Variants in CDC42BPB observed in about 807,000 individuals in gnomAD.
CDC42BPB encodes the protein CDC42 binding protein kinase beta, also known as serine/threonine-protein kinase MRCK beta.
A neutral mutation model predicts 214.9 loss-of-function variants in CDC42BPB; 37 were observed. That is an observed-to-expected ratio of 0.17 (90% CI 0.13 to 0.23). CDC42BPB has a LOEUF of 0.23. CDC42BPB is among the 10% of genes least tolerant of loss of function. The probability of loss-of-function intolerance (pLI) is 1.00; values close to 1 mark genes in which losing one functional copy is unlikely to be tolerated. For synonymous variants in CDC42BPB, 931 were observed against 884.0 expected, an observed-to-expected ratio of 1.05 and a Z score of -0.94; for missense variants, 1,694 against 2,227.0, an observed-to-expected ratio of 0.76 and a Z score of 4.82.
chr14:102,949,988 C>A (rs979515714), intron 25 of CDC42BPB, 84 bp from the exon 26 acceptor site: 3 of 1,573,896 alleles, frequency 1.9e-6, no homozygotes, highest in Middle Eastern at 2.0e-4. Context: ...CAATCTCCTT[C>A]CAGCTGCCAG....
intron 7 of CDC42BPB, among the ~76,000 whole-genome samples, chr14:102,983,177 AC>A (rs1308065337): frequency 6.6e-6 from 1 of 151,624 alleles, no homozygotes; most frequent in Non-Finnish European, 1.5e-5. Flanking sequence ...GCCCACCTGG[AC>A]CTCCCCACTG....
At chr14:102,961,328 AACC>A (rs1237022082) in intron 20 of CDC42BPB, among the ~76,000 whole-genome samples, 1 of 151,988 alleles carries the variant, frequency 6.6e-6, no homozygotes, top group Non-Finnish European at 1.5e-5. Flanking sequence ...AAATTTTGAA[AACC>A]ACCTTTTTTT....
chr14:102,981,046 G>C (rs774280236), intron 7 of CDC42BPB, 25 bp from the exon 8 acceptor site: 19 of 1,613,530 alleles, frequency 1.2e-5, no homozygotes, highest in Non-Finnish European at 1.6e-5. Flanking sequence ...AAAAACACCG[G>C]TGGACAGGTG....
chr14:103,044,529 C>T (rs1333008139), intron 1 of CDC42BPB, among the ~76,000 whole-genome samples: 1 of 152,100 alleles, frequency 6.6e-6, no homozygotes, highest in Non-Finnish European at 1.5e-5. Flanking sequence ...GCCACCATGC[C>T]CGGCTAACTT....
chr14:102,933,886 C>A, intron 36 of CDC42BPB, 43 bp from the exon 37 acceptor site: 1 of 1,473,230 alleles, frequency 6.8e-7, no homozygotes, highest in Admixed American at 3.3e-5. Context: ...GCTGCCCTAG[C>A]CTGGGGAGGC....
At chr14:103,055,086 G>C (rs1349426075) in intron 1 of CDC42BPB, among the ~76,000 whole-genome samples, 2 of 152,262 alleles carry the variant, frequency 1.3e-5, no homozygotes, top group South Asian at 2.1e-4. Context: ...AGTTGAACCT[G>C]ACAGTGGAAC....
intron 1 of CDC42BPB, among the ~76,000 whole-genome samples, chr14:103,028,783 T>C (rs966494287): frequency 2.6e-5 from 4 of 152,266 alleles, no homozygotes; most frequent in African/African-American, 9.6e-5. Context: ...TCTCCCTTAA[T>C]AGGGCTGTTA....
rs1889044629 is a variant in CDC42BPB, at chr14:103,057,339, C to A, written c.-166G>T. 1 of 1,028,216 alleles carries A rather than the reference C, an allele frequency of 9.7e-7. No homozygotes were observed. The highest frequency in any genetic ancestry group is 5.7e-5 in the Admixed American group (1 of 17,430). 63.7% of individuals were successfully genotyped at this position (1,028,216 alleles called of 1,614,324 possible). ...CCCCGGCCTAGGCCGACATCTTGGG[C>A]TCCGTCCCGACGGCGCAGAGTCTGG... On this transcript the variant is annotated 5_prime_UTR_variant, in exon 1 of 37. Coordinates refer to ENST00000361246, the MANE Select transcript of CDC42BPB (RefSeq NM_006035.4).
At chr14:103,000,578 T>C (rs953516576) in intron 4 of CDC42BPB, among the ~76,000 whole-genome samples, 7 of 152,258 alleles carry the variant, frequency 4.6e-5, no homozygotes, top group African/African-American at 7.2e-5. Flanking sequence ...GCACGTGGCC[T>C]GAACCTCACA....
At chr14:103,006,278 T>C (rs1025956787) in intron 3 of CDC42BPB, among the ~76,000 whole-genome samples, 53 of 152,244 alleles carry the variant, frequency 3.5e-4, no homozygotes, top group African/African-American at 1.3e-3. Flanking sequence ...GATGGAGTGC[T>C]GAGTCCCAGG....
chr14:103,039,669 A>G, intron 1 of CDC42BPB, among the ~76,000 whole-genome samples: 1 of 152,228 alleles, frequency 6.6e-6, no homozygotes, highest in Non-Finnish European at 1.5e-5. Context: ...GCCACACTTA[A>G]TGGTGAAGGC....
intron 5 of CDC42BPB, among the ~76,000 whole-genome samples, chr14:102,991,170 T>C (rs570372943): frequency 1.3e-5 from 2 of 152,302 alleles, no homozygotes; most frequent in South Asian, 2.1e-4. Flanking sequence ...GCGTGATGGG[T>C]TTATCACCAC....
Position 103,012,171 on chromosome 14 carries a change from G to A in CDC42BPB, c.193C>T (p.Leu65=). Residue 65 remains leucine, a synonymous_variant, in exon 2 of 37, where the codon CTG becomes TTG. Coordinates refer to ENST00000361246, the MANE Select transcript of CDC42BPB (RefSeq NM_006035.4). ...FLEWAKPFTQ[L]VKEMQLHRED... ...CGATGAAGCTGCATTTCTTTCACCA[G>A]CTGTGTAAATGGTTTAGCTACAAGT... 2 of 1,613,062 alleles carry A rather than the reference G, an allele frequency of 1.2e-6. No homozygotes were observed. Among genetic ancestry groups the A allele is most frequent in the Non-Finnish European group, 1.7e-6 (2 of 1,179,278 alleles).
At chr14:102,938,521 A>AT in intron 34 of CDC42BPB, 110 bp from the exon 35 acceptor site, 1 of 1,446,124 alleles carries the variant, frequency 6.9e-7, no homozygotes. Flanking sequence ...GATGAGCAAA[A>AT]TGGGGGCCAA....
In CDC42BPB at chr14:102,943,013, C is replaced by CTACA. The variant is rs1566842261; in HGVS notation, c.4408+877_4408+878insTGTA. Among the ~76,000 whole-genome samples the CTACA allele has an allele frequency of 2.0e-5, 3 of 152,286 alleles. No homozygotes were observed. In the East Asian group the frequency reaches 5.8e-4, roughly 29 times the overall value. On this transcript the variant is annotated intron_variant, in intron 30 of 36. Transcript: ENST00000361246. The surrounding 1 kb of genome is among the most constrained non-coding windows in gnomAD (Gnocchi z 4.6). Reference sequence around the variant, plus strand: ...CCTCCTGAGTAGCTGGGACTACAGGCGCCCGCCACCACGCCCGGCTAATTT... The same window carrying CTACA: ...CCTCCTGAGTAGCTGGGACTACAGGCTACAGCCCGCCACCACGCCCGGCTAATTT...
intron 36 of CDC42BPB, among the ~76,000 whole-genome samples, chr14:102,936,762 A>G (rs1220278504): frequency 6.6e-6 from 1 of 152,224 alleles, no homozygotes; most frequent in Non-Finnish European, 1.5e-5. Context: ...AGCTGGTACT[A>G]CACACGTGAA....
chr14:103,044,188 G>A (rs1484273148), intron 1 of CDC42BPB, among the ~76,000 whole-genome samples: 1 of 152,012 alleles, frequency 6.6e-6, no homozygotes, highest in Non-Finnish European at 1.5e-5. Flanking sequence ...AATACTTCGG[G>A]TTAGAAAACA....
At chr14:102,934,283 C>T (rs1304277058) in intron 36 of CDC42BPB, 1 of 156,750 alleles carries the variant, frequency 6.4e-6, no homozygotes, top group Admixed American at 6.5e-5. Context: ...GCCTGTAATC[C>T]CAGCACTTTG....
rs34255683 is a variant in CDC42BPB at position 102,975,908 on chromosome 14, C to T, written c.1362G>A (p.Lys454=). 6.2e-7 allele frequency: 1 copy of T among 1,614,062 alleles called. No individual in the cohort carries two copies. Among genetic ancestry groups the T allele is most frequent in the Admixed American group, 1.7e-5 (1 of 60,002 alleles). Residue 454 remains lysine, a synonymous_variant, in exon 10 of 37, where the codon AAG becomes AAA. Coordinates refer to ENST00000361246, the MANE Select transcript of CDC42BPB (RefSeq NM_006035.4). ...CTTGCAGCTTCCTGCTCAGCTCCAGCTTCTCCTGTTCCAGCCTCCGAATCC... is the reference window on the plus strand; with the variant it reads ...CTTGCAGCTTCCTGCTCAGCTCCAGTTTCTCCTGTTCCAGCCTCCGAATCC... ...ERRIRRLEQE[K]LELSRKLQES...
Sources: allele counts gnomAD v4.1 joint callset (sites outside exome capture counted in the v4.1 genomes callset), GRCh38; gene constraint gnomAD v4.1.1; non-coding constraint Gnocchi (gnomAD v3.1); transcripts MANE v1.5; gene names NCBI Gene and HGNC (gene_info 2026-07-23, HGNC 2026-07-21).